Variants in SPTAN1 observed in about 807,000 individuals in gnomAD.
The protein encoded by SPTAN1 is spectrin alpha chain, non-erythrocytic 1.
In SPTAN1, 61 loss-of-function variants were observed where a neutral mutation model predicts 331.3. The observed-to-expected ratio is 0.18, with a 90% CI of 0.15 to 0.23. The LOEUF (loss-of-function observed/expected upper bound fraction) is 0.23, where lower values mean the gene tolerates loss of function less well. Among genes scored for constraint, SPTAN1 ranks in the 10% least tolerant of loss-of-function variants. The pLI, the probability that SPTAN1 is intolerant of heterozygous loss-of-function variation, is 1.00. For missense variants in SPTAN1, 2,043 were observed against 3,147.9 expected (o/e 0.65, Z 8.40); for synonymous variants, 1,153 against 1,173.9 (o/e 0.98, Z 0.36).
rs1564218500 is a variant in SPTAN1, at chr9:128,580,875, A to G, written c.1324-47A>G. ...TAGCTGTTCTGTCTGCCTCGGAGGC[A>G]TTGGGGCTGACCTCATCTCCCTGAC... On this transcript the variant is annotated intron_variant, in intron 10 of 56. Transcript: ENST00000372739. The G allele has an allele frequency of 5.0e-6, 8 of 1,611,314 alleles. No individual in the cohort carries two copies. The South Asian group carries it at 7.7e-5, about 16-fold the overall frequency.
rs910900443 is a variant in SPTAN1, at chr9:128,552,591, C to A, written c.-109C>A. On this transcript the variant is annotated 5_prime_UTR_variant, in exon 1 of 57. Transcript: ENST00000372739. The surrounding 1 kb of genome is among the most constrained non-coding windows in gnomAD (Gnocchi z 4.6). Reference sequence around the variant, plus strand: ...AGGCGGGGCGCGCGCGTCGCCGCCACTACCCGCTGCGGAGTGAACGGTGTG... The same window carrying A: ...AGGCGGGGCGCGCGCGTCGCCGCCAATACCCGCTGCGGAGTGAACGGTGTG... 2.0e-5 allele frequency: 3 copies of A among 151,442 alleles called. No homozygotes were observed. Among genetic ancestry groups the A allele is most frequent in the Non-Finnish European group, 4.4e-5 (3 of 67,784 alleles). 9.4% of individuals were successfully genotyped at this position (151,442 alleles called of 1,614,324 possible).
At chr9:128,569,115 T>C (rs1375012031) in intron 3 of SPTAN1, among the ~76,000 whole-genome samples, 1 of 152,242 alleles carries the variant, frequency 6.6e-6, no homozygotes, top group East Asian at 1.9e-4. Context: ...ATATTCCTTT[T>C]GCAGAGCAAA....
Position 128,581,886 on chromosome 9 carries a change from G to C in SPTAN1, c.1566G>C (p.Lys522Asn). 6.2e-7 allele frequency: 1 copy of C among 1,610,622 alleles called. No homozygotes were observed. Among genetic ancestry groups the C allele is most frequent in the Non-Finnish European group, 8.5e-7 (1 of 1,176,928 alleles). The stretch of plus-strand genomic sequence containing the variant: ...AATCCCTTAGTGCCCAGGAGGAAAA[G>C]ATTACAGTAAGACCCCTTCTTGTCA... ...FEKSLSAQEE[K>N]ITALDEFATK... The change falls in exon 12 of 57, where the codon AAG becomes AAC. Residue 522 changes from lysine (K) to asparagine (N), a missense_variant. Physicochemically the swap from Lys to Asn is moderately conservative, Grantham distance 94. Coordinates refer to ENST00000372739, the MANE Select transcript of SPTAN1 (RefSeq NM_001130438.3).
At chr9:128,581,480 AAAAAAAAAC>A (rs1851936862) in intron 11 of SPTAN1, among the ~76,000 whole-genome samples, 2 of 151,240 alleles carry the variant, frequency 1.3e-5, no homozygotes, top group African/African-American at 4.9e-5. Context: ...CTCACAAAAA[AAAAAAAAAC>A]AAACAAAAAA....
At chr9:128,609,322 C>T in intron 36 of SPTAN1, 38 bp downstream of exon 36, 1 of 1,613,870 alleles carries the variant, frequency 6.2e-7, no homozygotes, top group South Asian at 1.1e-5. Context: ...TTGATGTAGC[C>T]TTATGTTATT....
At position 128,632,177 on chromosome 9, in the gene SPTAN1, G is replaced by C. The variant is rs1421784240; in HGVS notation, c.6813G>C (p.Glu2271Asp). 1 of 1,613,524 alleles carries C rather than the reference G, an allele frequency of 6.2e-7. No homozygotes were observed. Among genetic ancestry groups the C allele is most frequent in the Admixed American group, 1.7e-5 (1 of 60,022 alleles). The change falls in exon 53 of 57, where the codon GAG becomes GAC. Residue 2271 changes from glutamate (E) to aspartate (D), a missense_variant. Around this residue, in one of 12 missense-constraint regions of SPTAN1, gnomAD observed 256 missense variants for 376.4 expected, o/e 0.68. Transcript: ENST00000372739. The stretch of plus-strand genomic sequence containing the variant: ...TGAGAAGTCAGCTCAAAAAGATCGA[G>C]GACCTGGGGGCCGCCATGGAGGAGG... ...RAMRSQLKKI[E>D]DLGAAMEEAL...
In SPTAN1 at chr9:128,608,321, T is replaced by G. The variant is rs200749390; in HGVS notation, c.4491+45T>G. The G allele has an allele frequency of 1.1e-5, 17 of 1,612,818 alleles. No individual in the cohort carries two copies. In the East Asian group the frequency reaches 3.6e-4, roughly 34 times the overall value. ...GAGTTGGAGTCTGGATTTTTCCTGA[T>G]TGACATCTGTTTCTTGGCTTATATA... On this transcript the variant is annotated intron_variant, in intron 34 of 56. Transcript: ENST00000372739.
In SPTAN1 at chr9:128,626,602, G is replaced by C. The variant is rs1858783158; in HGVS notation, c.6491G>C (p.Ser2164Thr). The C allele has an allele frequency of 2.5e-6, 4 of 1,613,836 alleles. 1 individual carries two copies. In the African/African-American group the frequency reaches 5.3e-5, roughly 22 times the overall value. Residue 2164 changes from serine (S) to threonine (T), a missense_variant, in exon 49 of 57, where the codon AGC becomes ACC. Transcript: ENST00000372739. ...QLAELDRQIK[S>T]FRVASNPYTW... ...GCCGAGCTGGACCGCCAGATCAAGA[G>C]CTTCCGCGTAGCCTCCAACCCCTAC...
In SPTAN1 at chr9:128,627,969, G is replaced by A; in HGVS notation, c.6707+27G>A. On this transcript the variant is annotated intron_variant, in intron 51 of 56. Transcript: ENST00000372739. This position sits in a 1 kb window ranked among gnomAD's most constrained non-coding sequence, Gnocchi z 4.9. The stretch of plus-strand genomic sequence containing the variant: ...TTAATATTGTTTTCTTCCTTCTCTG[G>A]GCTTGTCATGTGGGGGTCTCGTGCG... 1 of 1,614,032 alleles carries A rather than the reference G, an allele frequency of 6.2e-7. No homozygotes were observed. Among genetic ancestry groups the A allele is most frequent in the Non-Finnish European group, 8.5e-7 (1 of 1,179,976 alleles).
At position 128,565,232 on chromosome 9, in the gene SPTAN1, G is replaced by A. The variant is rs796307714; in HGVS notation, c.-3-1506G>A. Among the ~76,000 whole-genome samples, 8 of 152,328 alleles carry A rather than the reference G, an allele frequency of 5.3e-5. No individual in the cohort carries two copies. The South Asian group carries it at 1.4e-3, about 28-fold the overall frequency. ...GCAGGAGAATCACTTGAACCCTGAA[G>A]GCAGAGGGCAGTGAGCTGAGATCAT... On this transcript the variant is annotated intron_variant, in intron 1 of 56. Transcript: ENST00000372739.
At chr9:128,628,946 C>G (rs184078955) in intron 51 of SPTAN1, 202 of 391,574 alleles carry the variant, frequency 5.2e-4, no homozygotes, top group Non-Finnish European at 8.5e-4. Context: ...CCCATCTTGC[C>G]CATTCCTAGT....
chr9:128,574,328 C>T (rs2130958187), intron 3 of SPTAN1, among the ~76,000 whole-genome samples: 1 of 147,268 alleles, frequency 6.8e-6, no homozygotes, highest in Admixed American at 6.8e-5. Flanking sequence ...TATAACTATA[C>T]AATATAAATA....
At chr9:128,608,338 G>A in intron 34 of SPTAN1, 62 bp downstream of exon 34, 1 of 1,602,840 alleles carries the variant, frequency 6.2e-7, no homozygotes, top group Non-Finnish European at 8.5e-7. Flanking sequence ...CTGTTTCTTG[G>A]CTTATATAGT....
At chr9:128,576,632 C>A (rs1358004064) in intron 5 of SPTAN1, among the ~76,000 whole-genome samples, 191 bp from the exon 6 acceptor site, 1 of 152,218 alleles carries the variant, frequency 6.6e-6, no homozygotes, top group East Asian at 1.9e-4. Context: ...GAGAATGGCT[C>A]TCCCCTTTTT....
chr9:128,627,373 C>T lies in SPTAN1; in HGVS notation c.6577-13C>T. 6.4e-7 allele frequency: 1 copy of T among 1,550,608 alleles called. No individual in the cohort carries two copies. Among genetic ancestry groups the T allele is most frequent in the East Asian group, 2.4e-5 (1 of 40,922 alleles). ...ACAGCAGCGCACAGCATCTGCCCCC[C>T]TTTGGCCCTCAGGAGAGGGAGCTGG... On this transcript the variant is annotated splice_polypyrimidine_tract_variant and intron_variant, in intron 49 of 56. Coordinates refer to ENST00000372739, the MANE Select transcript of SPTAN1 (RefSeq NM_001130438.3). This position sits in a 1 kb window ranked among gnomAD's most constrained non-coding sequence, Gnocchi z 4.9.
intron 37 of SPTAN1, among the ~76,000 whole-genome samples, chr9:128,610,050 C>G (rs1362018046): frequency 2.0e-5 from 3 of 152,140 alleles, no homozygotes; most frequent in African/African-American, 7.2e-5. Flanking sequence ...TGTTCGGTGG[C>G]CTGGGTTGGG....
At chr9:128,623,179 C>CGAA (rs1400160490) in intron 45 of SPTAN1, among the ~76,000 whole-genome samples, 3,162 of 151,868 alleles carry the variant, frequency 0.021, 118 homozygotes, top group African/African-American at 0.072. Flanking sequence ...CCTGAGCTTC[C>CGAA]CTAGCTAGCT....
In SPTAN1 at chr9:128,582,494, G is replaced by T. The variant is rs750616250; in HGVS notation, c.1588G>T (p.Ala530Ser). ...EEKITALDEF[A>S]TKLIQNNHYA... ...TCCTTCCTAGGCATTAGATGAATTT[G>T]CAACCAAGCTAATTCAGAACAACCA... Residue 530 changes from alanine to serine, a missense_variant, in exon 13 of 57, where the codon GCA (alanine) becomes TCA (serine). Ala to Ser is a moderately conservative substitution (Grantham distance 99, BLOSUM62 1). Transcript: ENST00000372739. The T allele has an allele frequency of 6.2e-7, 1 of 1,614,160 alleles. No individual in the cohort carries two copies. Among genetic ancestry groups the T allele is most frequent in the Non-Finnish European group, 8.5e-7 (1 of 1,180,028 alleles).
intron 1 of SPTAN1, 113 bp from the exon 2 acceptor site, chr9:128,566,625 C>T: frequency 6.6e-7 from 1 of 1,503,794 alleles, no homozygotes; most frequent in Non-Finnish European, 9.2e-7. Flanking sequence ...CTTCTCAATT[C>T]ATTTGTCTCC....
Sources: gnomAD v4.1 joint callset for allele counts (sites outside exome capture counted in the v4.1 genomes callset) on GRCh38, gnomAD v4.1.1 for gene constraint, gnomAD v4.1.1 regional missense constraint, Gnocchi (gnomAD v3.1) non-coding constraint, MANE v1.5 for transcripts, NCBI Gene and HGNC (gene_info 2026-07-23, HGNC 2026-07-21) for gene names.